SUMF1: variants seen among roughly 807,000 people sequenced by gnomAD.
SUMF1 encodes the protein sulfatase modifying factor 1, also known as formylglycine-generating enzyme.
A neutral mutation model predicts 47.6 loss-of-function variants in SUMF1; 48 were observed. That is an observed-to-expected ratio of 1.01 (90% CI 0.80 to 1.28). The LOEUF (loss-of-function observed/expected upper bound fraction) is 1.28. Ranked by LOEUF, SUMF1 falls within the 50% of genes most tolerant of loss-of-function variation. SUMF1 has a pLI of 0.00. For synonymous variants in SUMF1, 230 were observed against 192.1 expected (o/e 1.20, Z -1.63); for missense variants, 571 against 485.4 (o/e 1.18, Z -1.66).
intron 8 of SUMF1, among the ~76,000 whole-genome samples, chr3:4,126,217 C>G (rs1322909394): frequency 6.6e-6 from 1 of 151,050 alleles, no homozygotes; most frequent in Admixed American, 6.6e-5. Flanking sequence ...ATAATTTGTG[C>G]ATCCTAGATA....
At chr3:4,274,803 C>A (rs936357016) in intron 8 of SUMF1, among the ~76,000 whole-genome samples, 3 of 152,084 alleles carry the variant, frequency 2.0e-5, no homozygotes, top group Non-Finnish European at 4.4e-5. Context: ...AAAACTAGAC[C>A]AGGTAATAGG....
chr3:4,205,907 A>T (rs1038518091), intron 8 of SUMF1, among the ~76,000 whole-genome samples: 1 of 151,996 alleles, frequency 6.6e-6, no homozygotes, highest in Non-Finnish European at 1.5e-5. Context: ...TCTGCCCAAG[A>T]CCCATGTTAA....
rs1693229215 is a variant in SUMF1 at position 4,109,109 on chromosome 3, G to A, written c.1015-40364C>T. ...AGTGCTTCCTTCAGGAGCTCTTTTAGGGCAGGCCTGGTGGTGACAAAATCT... is the reference window on the plus strand; with the variant it reads ...AGTGCTTCCTTCAGGAGCTCTTTTAAGGCAGGCCTGGTGGTGACAAAATCT... On this transcript the variant is annotated intron_variant and NMD_transcript_variant, in intron 8 of 12. Coordinates refer to the SUMF1 transcript ENST00000448413. Among the ~76,000 whole-genome samples the A allele has an allele frequency of 2.0e-5, 3 of 152,018 alleles. No individual in the cohort carries two copies. In the South Asian group the frequency reaches 6.2e-4, roughly 32 times the overall value.
At chr3:4,051,768 C>T (rs1460606478) in intron 9 of SUMF1, among the ~76,000 whole-genome samples, 2 of 152,110 alleles carry the variant, frequency 1.3e-5, no homozygotes, top group Non-Finnish European at 1.5e-5. Flanking sequence ...CCTTTTCATG[C>T]CACTGGATCA....
chr3:4,120,085 T>C (rs1693505257), intron 8 of SUMF1, among the ~76,000 whole-genome samples: 1 of 152,170 alleles, frequency 6.6e-6, no homozygotes, highest in Non-Finnish European at 1.5e-5. Flanking sequence ...ACAATGTTCC[T>C]AAATAGTGTC....
At chr3:4,219,895 G>A (rs952883425) in intron 8 of SUMF1, among the ~76,000 whole-genome samples, 16 of 152,116 alleles carry the variant, frequency 1.1e-4, no homozygotes, top group African/African-American at 3.4e-4. Context: ...ATCCTGGGAT[G>A]TTTTAAGCCA....
chr3:4,184,149 A>G (rs531557669), intron 8 of SUMF1, among the ~76,000 whole-genome samples: 1 of 151,094 alleles, frequency 6.6e-6, no homozygotes, highest in Non-Finnish European at 1.5e-5. Flanking sequence ...AAAAATTAAA[A>G]AAAAAAAAGA....
chr3:4,377,834 T>G (rs1029639995), intron 7 of SUMF1, among the ~76,000 whole-genome samples: 1 of 152,156 alleles, frequency 6.6e-6, no homozygotes, highest in Non-Finnish European at 1.5e-5. Context: ...AAAAGACAAT[T>G]AATCACACAC....
At chr3:4,458,226 G>A (rs1487008573) in intron 1 of SUMF1, among the ~76,000 whole-genome samples, 1 of 152,170 alleles carries the variant, frequency 6.6e-6, no homozygotes, top group Non-Finnish European at 1.5e-5. Flanking sequence ...AAAGATGAAA[G>A]ATAACAAGTG....
At chr3:4,420,318 CA>C (rs1221782894) in intron 3 of SUMF1, among the ~76,000 whole-genome samples, 172 bp from the exon 4 acceptor site, 8 of 150,536 alleles carry the variant, frequency 5.3e-5, no homozygotes, top group African/African-American at 9.7e-5. Context: ...AAATCTTTAA[CA>C]AAAAAAGTAT....
At chr3:4,132,238 C>T (rs1693809647) in intron 8 of SUMF1, among the ~76,000 whole-genome samples, 2 of 152,134 alleles carry the variant, frequency 1.3e-5, no homozygotes, top group African/African-American at 4.8e-5. Flanking sequence ...CATGGTATTC[C>T]ACACAGCATT....
chr3:4,401,584 T>C (rs1701214097), intron 7 of SUMF1, among the ~76,000 whole-genome samples: 1 of 152,146 alleles, frequency 6.6e-6, no homozygotes, highest in African/African-American at 2.4e-5. Flanking sequence ...AACTTACAGA[T>C]GAAGCACTAA....
At chr3:4,364,207 C>T (rs75159516) in intron 8 of SUMF1, among the ~76,000 whole-genome samples, 34,533 of 109,844 alleles carry the variant, frequency 0.31, 6,799 homozygotes, top group East Asian at 0.5. Flanking sequence ...AGTCTCTGCC[C>T]GGCTTTGGTA....
chr3:4,198,987 T>G (rs1323606037), intron 8 of SUMF1, among the ~76,000 whole-genome samples: 1 of 152,188 alleles, frequency 6.6e-6, no homozygotes, highest in East Asian at 1.9e-4. Flanking sequence ...TTTTCTCATT[T>G]AACAACTTTT....
At chr3:4,106,480 C>T (rs550571733) in intron 8 of SUMF1, among the ~76,000 whole-genome samples, 32 of 152,218 alleles carry the variant, frequency 2.1e-4, no homozygotes, top group African/African-American at 7.7e-4. Context: ...GTTTCCATCT[C>T]CACTATAACT....
rs991892682 is a variant in SUMF1 at position 4,312,730 on chromosome 3, A to G, written c.1014+63600T>C. On this transcript the variant is annotated intron_variant and NMD_transcript_variant, in intron 8 of 12. Transcript: ENST00000448413. ...AAAAAAAAAAAAAAAAACTTGTTTT[A>G]TTGAAGAGAGATGTTTTTGGACAAT... is the stretch of plus-strand genomic sequence containing the variant. 1.4e-5 allele frequency among the ~76,000 whole-genome samples: 2 copies of G among 147,552 alleles called. 1 individual carries two copies. Among genetic ancestry groups the G allele is most frequent in the African/African-American group, 5.0e-5 (2 of 39,842 alleles).
chr3:4,456,787 TGTGTATATATAC>T (rs2079636177), intron 1 of SUMF1, among the ~76,000 whole-genome samples: 1 of 149,034 alleles, frequency 6.7e-6, no homozygotes, highest in Non-Finnish European at 1.5e-5. Context: ...TATACGTGTG[TGTGTATATATAC>T]GTGTATATAT....
chr3:4,103,237 TA>T (rs112322696), intron 8 of SUMF1, among the ~76,000 whole-genome samples: 21,679 of 140,844 alleles, frequency 0.15, 3,249 homozygotes, highest in African/African-American at 0.38. Context: ...CTTTTAAGCA[TA>T]AAAAAAAAAA....
rs376872142 is a variant in SUMF1, at chr3:4,417,969, T to C, written c.725+41A>G. 6.0e-5 allele frequency: 97 copies of C among 1,613,536 alleles called. No individual in the cohort carries two copies. In the African/African-American group the frequency reaches 6.9e-4, roughly 12 times the overall value. ...TTTTGTTGTTGTTTGTTTGTTCAAA[T>C]GACCAACATATTGTCAGGCAAAATG... On this transcript the variant is annotated intron_variant, in intron 5 of 8. Transcript: ENST00000272902.
Sources: gnomAD v4.1 joint callset for allele counts (sites outside exome capture counted in the v4.1 genomes callset) on GRCh38, gnomAD v4.1.1 for gene constraint, MANE v1.5 for transcripts, NCBI Gene and HGNC (gene_info 2026-07-23, HGNC 2026-07-21) for gene names.